The following KPNA7 variants were observed in gnomAD, a reference collection of about 807,000 sequenced individuals.
The protein encoded by KPNA7 is karyopherin subunit alpha 7, also known as importin subunit alpha-8.
Under a neutral mutation model 53.7 loss-of-function variants are expected in KPNA7, and 54 were observed. The ratio of observed to expected loss-of-function variants is 1.01; its 90% confidence interval spans 0.81 to 1.26. The LOEUF is 1.26. Ranked by LOEUF, KPNA7 falls within the 50% of genes most tolerant of loss-of-function variation. The pLI is 0.00. For missense variants in KPNA7, 640 were observed against 644.5 expected, an observed-to-expected ratio of 0.99 and a Z score of 0.07; for synonymous variants, 276 against 259.3, an observed-to-expected ratio of 1.06 and a Z score of -0.62.
At chr7:99,164,468 TCA>T in the KPNA7 span, among the ~76,000 whole-genome samples, 3 of 151,796 alleles carry the variant, frequency 2.0e-5, no homozygotes, top group African/African-American at 7.3e-5. Context: ...AAGGGGAACA[TCA>T]CACTCCGGGG....
the KPNA7 span, among the ~76,000 whole-genome samples, chr7:99,153,915 A>C: frequency 1.3e-5 from 2 of 151,926 alleles, no homozygotes; most frequent in South Asian, 2.1e-4. Flanking sequence ...ATCAAGTGTG[A>C]TCATATCACA....
chr7:99,174,936 G>A (rs1798845747), intron 10 of KPNA7, among the ~76,000 whole-genome samples: 3 of 151,832 alleles, frequency 2.0e-5, no homozygotes, highest in East Asian at 3.9e-4. Flanking sequence ...TCAGCCTCCT[G>A]AGTAGCTGGG....
At chr7:99,192,267 G>C (rs1240793337) in intron 6 of KPNA7, among the ~76,000 whole-genome samples, 1 of 152,166 alleles carries the variant, frequency 6.6e-6, no homozygotes. Context: ...TGTGACCCTA[G>C]AATGGAGATT....
chr7:99,157,994 C>T, the KPNA7 span, among the ~76,000 whole-genome samples: 5 of 151,826 alleles, frequency 3.3e-5, no homozygotes, highest in African/African-American at 1.2e-4. Flanking sequence ...CCACACTGGT[C>T]TTGAACTCCT....
At chr7:99,164,795 G>T in the KPNA7 span, among the ~76,000 whole-genome samples, 29,979 of 152,056 alleles carry the variant, frequency 0.2, 3,098 homozygotes, top group South Asian at 0.33. Context: ...CCAGCCCCTG[G>T]GTTTAAGATT....
chr7:99,153,276 G>C, the KPNA7 span, among the ~76,000 whole-genome samples: 1 of 152,152 alleles, frequency 6.6e-6, no homozygotes, highest in East Asian at 1.9e-4. Flanking sequence ...TGGTATTTGG[G>C]GCTGGACACA....
At chr7:99,146,056 T>TA in the KPNA7 span, among the ~76,000 whole-genome samples, 3 of 152,186 alleles carry the variant, frequency 2.0e-5, no homozygotes, top group African/African-American at 7.2e-5. Context: ...ATCCAGTCTC[T>TA]AATGCTCCCA....
the KPNA7 span, among the ~76,000 whole-genome samples, chr7:99,166,303 A>G: frequency 6.6e-6 from 1 of 151,860 alleles, no homozygotes; most frequent in African/African-American, 2.4e-5. Context: ...AGCACCTACT[A>G]TGTTTCTAGG....
intron 3 of KPNA7, 120 bp from the exon 4 acceptor site, chr7:99,196,286 C>T (rs1324938757): frequency 5.9e-6 from 4 of 677,680 alleles, no homozygotes; most frequent in African/African-American, 1.8e-5. Context: ...TCCCATCTTG[C>T]ATGCTGTTCT....
In KPNA7 at chr7:99,175,505, AT is replaced by A. The variant is rs1380893966; in HGVS notation, c.1465-1712del. ...GAGAGCTTTATTTATTTATTTATTT[AT>A]TTATTTATTTATTTATTATTTATTT... On this transcript the variant is annotated intron_variant, in intron 10 of 10. Transcript: ENST00000327442. Among the ~76,000 whole-genome samples, 9 of 137,148 alleles carry A rather than the reference AT, an allele frequency of 6.6e-5. No individual in the cohort carries two copies. In the South Asian group the frequency reaches 8.4e-4, roughly 13 times the overall value. The allele number at this position is 137,148 out of a possible 152,430, so 90.0% of individuals were successfully genotyped here. A position where few individuals can be genotyped will look rare whatever the true frequency, so the allele number is the denominator to read the frequency against.
In KPNA7 at chr7:99,185,259, C is replaced by G. The variant is rs2150726087; in HGVS notation, c.901-97G>C. ...CTGTTCTCTCCCAAACATTGTCATGCTATAGCCGATGGTTGTCTGACAGCC... is the reference window on the plus strand; with the variant it reads ...CTGTTCTCTCCCAAACATTGTCATGGTATAGCCGATGGTTGTCTGACAGCC... On this transcript the variant is annotated intron_variant, in intron 7 of 10. Coordinates refer to ENST00000327442, the MANE Select transcript of KPNA7 (RefSeq NM_001145715.3). 6 of 828,732 alleles carry G rather than the reference C, an allele frequency of 7.2e-6. 1 individual carries two copies. The South Asian group carries it at 9.2e-5, about 13-fold the overall frequency. The allele number at this position is 828,732 out of a possible 1,614,324, so 51.3% of individuals were successfully genotyped here. A position where few individuals can be genotyped will look rare whatever the true frequency, so the allele number is the denominator to read the frequency against.
At chr7:99,186,620 G>A (rs1445537695) in intron 7 of KPNA7, among the ~76,000 whole-genome samples, 1 of 152,082 alleles carries the variant, frequency 6.6e-6, no homozygotes. Context: ...GTGCACACCT[G>A]TAGTCCCAGC....
chr7:99,171,407 C>CTT (rs1238991205), downstream of KPNA7, among the ~76,000 whole-genome samples: 3 of 144,948 alleles, frequency 2.1e-5, no homozygotes, highest in African/African-American at 7.6e-5. Flanking sequence ...TCAAGGTCAG[C>CTT]TTCCCTGTTT....
At chr7:99,162,037 AT>A in the KPNA7 span, among the ~76,000 whole-genome samples, 5,630 of 106,974 alleles carry the variant, frequency 0.053, 77 homozygotes, top group Middle Eastern at 0.073. Flanking sequence ...CAAGATTGCA[AT>A]TTTTTTTTTT....
chr7:99,159,790 T>C, the KPNA7 span, among the ~76,000 whole-genome samples: 2 of 152,236 alleles, frequency 1.3e-5, no homozygotes, highest in East Asian at 3.9e-4. Context: ...ATGTCATATG[T>C]GTTTTATTTT....
the KPNA7 span, among the ~76,000 whole-genome samples, chr7:99,159,932 A>C: frequency 2.0e-5 from 3 of 150,804 alleles, no homozygotes; most frequent in Admixed American, 1.3e-4. Context: ...GGAAAGAAGT[A>C]GCTTGTCTGC....
At chr7:99,175,004 T>C (rs535760365) in intron 10 of KPNA7, among the ~76,000 whole-genome samples, 194 of 151,874 alleles carry the variant, frequency 1.3e-3, no homozygotes, top group African/African-American at 4.5e-3. Context: ...AGAGATGGAG[T>C]TTCACCATGT....
chr7:99,172,952 A>G (rs76260374), downstream of KPNA7, among the ~76,000 whole-genome samples: 12,882 of 147,730 alleles, frequency 0.087, 766 homozygotes, highest in East Asian at 0.19. Flanking sequence ...AGTCCCAGCT[A>G]TTTGGCAGGA....
At chr7:99,203,376 G>T in intron 2 of KPNA7, 136 bp from the exon 3 acceptor site, 1 of 787,740 alleles carries the variant, frequency 1.3e-6, no homozygotes. Flanking sequence ...CACACAGTTA[G>T]TAAATCATCT....
Sources: allele counts gnomAD v4.1 joint callset (sites outside exome capture counted in the v4.1 genomes callset), GRCh38; gene constraint gnomAD v4.1.1; transcripts MANE v1.5; gene names NCBI Gene and HGNC (gene_info 2026-07-23, HGNC 2026-07-21).